NCOA2: variants seen among roughly 807,000 people sequenced by gnomAD.
The protein encoded by NCOA2 is class E basic helix-loop-helix protein 75.
A neutral mutation model predicts 145.1 loss-of-function variants in NCOA2; 21 were observed. The ratio of observed to expected loss-of-function variants is 0.14; its 90% CI spans 0.10 to 0.21. The LOEUF (loss-of-function observed/expected upper bound fraction) is 0.21, where lower values mean the gene tolerates loss of function less well. Among genes scored for constraint, NCOA2 ranks in the 10% least tolerant of loss-of-function variants. The pLI is 1.00. For synonymous variants in NCOA2, 619 were observed against 637.5 expected (o/e 0.97, Z 0.44); for missense variants, 1,472 against 1,837.6 (o/e 0.80, Z 3.64).
intron 4 of NCOA2, among the ~76,000 whole-genome samples, chr8:70,198,894 C>A (rs1347802780): frequency 6.6e-6 from 1 of 151,932 alleles, no homozygotes; most frequent in African/African-American, 2.4e-5. Flanking sequence ...TGTGGAACAC[C>A]CCTGTGGATG....
At chr8:70,149,239 GT>G (rs890653885) in intron 11 of NCOA2, among the ~76,000 whole-genome samples, 38 of 144,876 alleles carry the variant, frequency 2.6e-4, no homozygotes, top group Non-Finnish European at 3.0e-4. Flanking sequence ...TGTTTTTTTT[GT>G]TTTTTTTTTT....
At position 70,124,711 on chromosome 8, in the gene NCOA2, C is replaced by A. The variant is rs199825485; in HGVS notation, c.4071G>T (p.Ala1357=). The change falls in exon 20 of 23, where the codon GCG becomes GCT. Residue 1357 remains alanine (A), a synonymous_variant. Transcript: ENST00000452400. ...YQAPSDINGW[A]QGNMGGNSMF... ...ACCTGTTTCCGCCCATGTTCCCCTG[C>A]GCCCATCCATTTATGTCGGAGGGGG... 9 of 1,610,676 alleles carry A rather than the reference C, an allele frequency of 5.6e-6. No homozygotes were observed. Among genetic ancestry groups the A allele is most frequent in the Non-Finnish European group, 5.9e-6 (7 of 1,178,792 alleles).
intron 2 of NCOA2, among the ~76,000 whole-genome samples, chr8:70,277,504 T>C (rs925356896): frequency 2.0e-5 from 3 of 152,200 alleles, no homozygotes; most frequent in African/African-American, 7.2e-5. Flanking sequence ...ATAAAATCCC[T>C]ACATTTTAAA....
At chr8:70,249,959 C>T (rs1263530278) in intron 2 of NCOA2, among the ~76,000 whole-genome samples, 2 of 14,572 alleles carry the variant, frequency 1.4e-4, no homozygotes, top group Non-Finnish European at 5.1e-4. Flanking sequence ...AGAGAATCTG[C>T]CTCCAAAAAA....
chr8:70,296,233 T>C (rs1281536121), intron 2 of NCOA2, among the ~76,000 whole-genome samples: 1 of 152,166 alleles, frequency 6.6e-6, no homozygotes, highest in African/African-American at 2.4e-5. Flanking sequence ...ATTTCAGCTG[T>C]GTGATACGGA....
chr8:70,381,082 A>G (rs1351184153), intron 1 of NCOA2, among the ~76,000 whole-genome samples: 1 of 152,028 alleles, frequency 6.6e-6, no homozygotes, highest in African/African-American at 2.4e-5. Context: ...AAAAAAAAAA[A>G]AAAATGCCTA....
chr8:70,217,321 C>T (rs986443912), intron 2 of NCOA2, among the ~76,000 whole-genome samples: 24 of 152,298 alleles, frequency 1.6e-4, no homozygotes, highest in African/African-American at 5.5e-4. Flanking sequence ...TTAATCAATG[C>T]CCCCTAGTGG....
chr8:70,442,657 G>A, the NCOA2 span, among the ~76,000 whole-genome samples: 5 of 152,184 alleles, frequency 3.3e-5, no homozygotes, highest in African/African-American at 9.7e-5. Flanking sequence ...ACAAGGCTTT[G>A]CCAACAGCTA....
Position 70,156,323 on chromosome 8 carries a change from G to T in NCOA2, c.2042C>A (p.Thr681Asn), listed in dbSNP as rs370409922. Residue 681 changes from threonine to asparagine, a missense_variant, in exon 11 of 23, where the codon ACC (threonine) becomes AAC (asparagine). Physicochemically the swap from Thr to Asn is moderately conservative, Grantham distance 65. Around this residue, in one of 4 missense-constraint regions of NCOA2, gnomAD observed 953 missense variants for 1,062.1 expected, o/e 0.90. Transcript: ENST00000452400. ...AATTTTATGCTTCTCCTTGAGCGAG[G>T]TTCCATGTGTAGACCCAGAACCAGG... ...SLPGSGSTHG[T>N]SLKEKHKILH... The T allele has an allele frequency of 5.6e-6, 9 of 1,613,714 alleles. No individual in the cohort carries two copies. The highest frequency in any genetic ancestry group is 1.3e-5 in the African/African-American group (1 of 74,864).
chr8:70,212,617 ACGCTAAG>A (rs1819154492), intron 4 of NCOA2, among the ~76,000 whole-genome samples: 1 of 152,190 alleles, frequency 6.6e-6, no homozygotes, highest in African/African-American at 2.4e-5. Context: ...GAAATGGAAA[ACGCTAAG>A]ATGATATGCT....
chr8:70,266,790 G>A (rs753728534), intron 2 of NCOA2, among the ~76,000 whole-genome samples: 1 of 152,172 alleles, frequency 6.6e-6, no homozygotes, highest in Non-Finnish European at 1.5e-5. Flanking sequence ...AGGAGACACA[G>A]TTCTAGGGGC....
At chr8:70,314,018 T>TA (rs1265553674) in intron 1 of NCOA2, among the ~76,000 whole-genome samples, 8 of 150,202 alleles carry the variant, frequency 5.3e-5, no homozygotes, top group Non-Finnish European at 1.2e-4. Context: ...AATATATATA[T>TA]ATATACAAAA....
At chr8:70,115,142 A>G (rs74860740) in intron 22 of NCOA2, among the ~76,000 whole-genome samples, 13,776 of 152,010 alleles carry the variant, frequency 0.091, 683 homozygotes, top group East Asian at 0.13. Context: ...AGAAGTATTT[A>G]TTTATTTATT....
intron 2 of NCOA2, among the ~76,000 whole-genome samples, chr8:70,239,768 GAAAAC>G (rs1821961858): frequency 6.6e-6 from 1 of 152,128 alleles, no homozygotes; most frequent in Non-Finnish European, 1.5e-5. Context: ...AGTGAGAAGA[GAAAAC>G]AACAGCTAAA....
At chr8:70,176,099 A>G (rs1814806449) in intron 4 of NCOA2, among the ~76,000 whole-genome samples, 1 of 152,206 alleles carries the variant, frequency 6.6e-6, no homozygotes, top group African/African-American at 2.4e-5. Context: ...TGTCTCCCGT[A>G]TATCATGGAC....
chr8:70,386,708 A>G (rs1276950796), intron 1 of NCOA2, among the ~76,000 whole-genome samples: 1 of 152,170 alleles, frequency 6.6e-6, no homozygotes, highest in Non-Finnish European at 1.5e-5. Flanking sequence ...CCAATCCCAG[A>G]AGACTTCTTT....
At chr8:70,358,056 AAAC>A (rs1809890787) in intron 1 of NCOA2, among the ~76,000 whole-genome samples, 1 of 152,180 alleles carries the variant, frequency 6.6e-6, no homozygotes, top group Non-Finnish European at 1.5e-5. Flanking sequence ...GTCGCAAAAA[AAAC>A]AAAACAGAAC....
intron 1 of NCOA2, among the ~76,000 whole-genome samples, chr8:70,389,517 T>A (rs1812992601): frequency 6.6e-6 from 1 of 152,106 alleles, no homozygotes; most frequent in Admixed American, 6.5e-5. Context: ...CGACCTCAGG[T>A]GATCTGCCCG....
chr8:70,375,024 C>T (rs1317810491), intron 1 of NCOA2, among the ~76,000 whole-genome samples: 3 of 151,768 alleles, frequency 2.0e-5, no homozygotes, highest in African/African-American at 4.8e-5. Context: ...GCATTTTTAA[C>T]ATCGCATATC....
Sources: allele counts gnomAD v4.1 joint callset (sites outside exome capture counted in the v4.1 genomes callset), GRCh38; gene constraint gnomAD v4.1.1; regional missense constraint gnomAD v4.1.1; transcripts MANE v1.5; gene names NCBI Gene and HGNC (gene_info 2026-07-23, HGNC 2026-07-21).